M1AP: variants seen among roughly 807,000 people sequenced by gnomAD.
M1AP encodes the protein meiosis 1 associated protein.
Under a neutral mutation model 51.2 loss-of-function variants are expected in M1AP, and 39 were observed. That is an observed-to-expected ratio of 0.76 (90% confidence interval 0.59 to 1.00). M1AP has a LOEUF of 1.00. Among genes scored for constraint, M1AP ranks in the 50% least tolerant of loss-of-function variants. The pLI is 0.00. For synonymous variants in M1AP, 251 were observed against 249.2 expected (o/e 1.01, Z -0.07); for missense variants, 545 against 641.2 (o/e 0.85, Z 1.62).
chr2:74,635,496 T>C (rs1682942390), intron 2 of M1AP, among the ~76,000 whole-genome samples: 1 of 152,112 alleles, frequency 6.6e-6, no homozygotes, highest in South Asian at 2.1e-4. Context: ...CTCTTCATTA[T>C]ATCCTTGTTT....
At chr2:74,629,624 C>T (rs1394261299) in intron 2 of M1AP, among the ~76,000 whole-genome samples, 3 of 151,936 alleles carry the variant, frequency 2.0e-5, no homozygotes, top group African/African-American at 7.3e-5. Context: ...CGGTGGCGGG[C>T]ACCTGTAATC....
In M1AP at chr2:74,607,283, T is replaced by C. The variant is rs1441844297; in HGVS notation, c.427-60A>G. 4 of 1,497,658 alleles carry C rather than the reference T, an allele frequency of 2.7e-6. No homozygotes were observed. In the Admixed American group the frequency reaches 5.0e-5, roughly 19 times the overall value. 92.8% of individuals were successfully genotyped at this position (1,497,658 alleles called of 1,614,324 possible). A position where few individuals can be genotyped will look rare whatever the true frequency, so the allele number is the denominator to read the frequency against. Reference sequence around the variant, plus strand: ...TCCCTGATGTACAGAGTGAGGAACATAACAGTTCCTACCCGGAGGATAAAT... The same window carrying C: ...TCCCTGATGTACAGAGTGAGGAACACAACAGTTCCTACCCGGAGGATAAAT... On this transcript the variant is annotated intron_variant, in intron 3 of 10. Transcript: ENST00000421985.
chr2:74,569,667 G>C (rs1222253437), intron 7 of M1AP, among the ~76,000 whole-genome samples: 1 of 151,314 alleles, frequency 6.6e-6, no homozygotes, highest in Non-Finnish European at 1.5e-5. Context: ...GAGTCACTGT[G>C]CCCAGCCCTC....
intron 2 of M1AP, among the ~76,000 whole-genome samples, chr2:74,625,930 C>T (rs549216964): frequency 1.2e-3 from 185 of 152,292 alleles, no homozygotes; most frequent in African/African-American, 4.3e-3. Flanking sequence ...ATGGAGAATA[C>T]GTATTCTGGG....
rs1186644569 is a variant in M1AP at position 74,614,974 on chromosome 2, G to A, written c.416C>T (p.Thr139Ile). ...GCCAGCATCACTTACCTCCAGGGAG[G>A]TATAGGTCAGAGCTGCCCTTGTGGT... ...HVTTRAALTY[T>I]SLEITILTSQ... Residue 139 changes from threonine (T) to isoleucine (I), a missense_variant, in exon 3 of 11, where the codon ACC (threonine) becomes ATC (isoleucine). Physicochemically the swap from Thr to Ile is moderately conservative, Grantham distance 89. Coordinates refer to ENST00000421985, the MANE Select transcript of M1AP (RefSeq NM_001321739.2). 4.3e-6 allele frequency: 7 copies of A among 1,613,928 alleles called. No individual in the cohort carries two copies. Among genetic ancestry groups the A allele is most frequent in the Non-Finnish European group, 5.9e-6 (7 of 1,179,968 alleles).
intron 2 of M1AP, among the ~76,000 whole-genome samples, chr2:74,629,968 C>A (rs1682612169): frequency 6.7e-6 from 1 of 149,248 alleles, no homozygotes; most frequent in Non-Finnish European, 1.5e-5. Context: ...TAAGACAAGG[C>A]CTTGCTCTGT....
At chr2:74,637,921 A>G (rs913357825) in intron 2 of M1AP, among the ~76,000 whole-genome samples, 5 of 152,050 alleles carry the variant, frequency 3.3e-5, no homozygotes, top group African/African-American at 1.2e-4. Flanking sequence ...CTTCTCCTCT[A>G]GCTATTAATA....
intron 2 of M1AP, chr2:74,618,916 T>G: frequency 1.9e-6 from 1 of 532,114 alleles, no homozygotes. Flanking sequence ...TTTTCTTGTC[T>G]TTGGGGAAAA....
intron 4 of M1AP, among the ~76,000 whole-genome samples, chr2:74,598,028 T>C (rs1016352007): frequency 1.3e-5 from 2 of 152,242 alleles, no homozygotes; most frequent in African/African-American, 2.4e-5. Context: ...TGCTTTTCCC[T>C]AATCTTCTCC....
At chr2:74,623,866 C>A (rs1573168034) in intron 2 of M1AP, among the ~76,000 whole-genome samples, 1 of 152,052 alleles carries the variant, frequency 6.6e-6, no homozygotes, top group Non-Finnish European at 1.5e-5. Context: ...GAGACAAGGT[C>A]TTGCTATGTT....
chr2:74,607,735 G>A lies in M1AP; in HGVS notation c.427-512C>T, dbSNP rs148819835. On this transcript the variant is annotated intron_variant, in intron 3 of 10. Transcript: ENST00000421985. ...GTGATCCGCCCGCCCCGGCCTCCCA[G>A]AGTGCTGGGATTACAGGCGTGAGCC... 3.1e-3 allele frequency among the ~76,000 whole-genome samples: 474 copies of A among 152,156 alleles called. 1 individual carries two copies. Among genetic ancestry groups the A allele is most frequent in the African/African-American group, 0.011 (457 of 41,526 alleles).
chr2:74,560,476 G>A (rs1474706104), intron 8 of M1AP, among the ~76,000 whole-genome samples, 185 bp from the exon 9 acceptor site: 1 of 152,186 alleles, frequency 6.6e-6, no homozygotes, highest in Non-Finnish European at 1.5e-5. Context: ...TGTGATGTAA[G>A]GGCCAGGCAT....
chr2:74,602,492 GAATT>G (rs1217412537), intron 4 of M1AP, among the ~76,000 whole-genome samples: 1 of 152,118 alleles, frequency 6.6e-6, no homozygotes, highest in Non-Finnish European at 1.5e-5. Context: ...CATGGAGTAG[GAATT>G]AATAACTAAG....
At chr2:74,620,639 G>A (rs1332505078) in intron 2 of M1AP, 1 of 211,654 alleles carries the variant, frequency 4.7e-6, no homozygotes, top group Non-Finnish European at 1.0e-5. Flanking sequence ...GCCCAGACCA[G>A]TCCAAATGGC....
At chr2:74,620,328 A>G (rs363697) in intron 2 of M1AP, among the ~76,000 whole-genome samples, 12,880 of 152,320 alleles carry the variant, frequency 0.085, 1,093 homozygotes, top group East Asian at 0.47. Flanking sequence ...CAAAGGGAAT[A>G]AAAGGTGTTT....
intron 5 of M1AP, among the ~76,000 whole-genome samples, chr2:74,580,695 G>A (rs1259377843): frequency 6.6e-6 from 1 of 152,160 alleles, no homozygotes; most frequent in Non-Finnish European, 1.5e-5. Flanking sequence ...GCTCTCAAAG[G>A]AGGCGGTAAC....
chr2:74,581,843 A>G lies in M1AP; in HGVS notation c.600T>C (p.Ser200=), dbSNP rs113576953. 6.2e-7 allele frequency: 1 copy of G among 1,610,240 alleles called. No individual in the cohort carries two copies. The highest frequency in any genetic ancestry group is 8.5e-7 in the Non-Finnish European group (1 of 1,177,596). Residue 200 remains serine, a synonymous_variant, in exon 5 of 11, where the codon AGT becomes AGC. Transcript: ENST00000421985. The part of the protein sequence containing the change: ...SPVEDTSNDE[S]SILGTDIDLQ... The stretch of plus-strand genomic sequence containing the variant: ...GGTCAATGTCAGTTCCCAGAATAGA[A>G]CTCTCTGCAAAAGAAAGGGAAATAA...
At chr2:74,582,052 C>G (rs542129094) in intron 4 of M1AP, among the ~76,000 whole-genome samples, 2 of 152,338 alleles carry the variant, frequency 1.3e-5, no homozygotes, top group African/African-American at 2.4e-5. Context: ...GCCTCAGCCT[C>G]CTGAGTAGCT....
chr2:74,563,698 CAAG>C (rs1678188525), intron 7 of M1AP, among the ~76,000 whole-genome samples: 1 of 150,140 alleles, frequency 6.7e-6, no homozygotes. Flanking sequence ...AATCACAGGA[CAAG>C]AAGAGTCAGG....
Sources: allele counts gnomAD v4.1 joint callset (sites outside exome capture counted in the v4.1 genomes callset), GRCh38; gene constraint gnomAD v4.1.1; transcripts MANE v1.5; gene names NCBI Gene and HGNC (gene_info 2026-07-23, HGNC 2026-07-21).